CPNE9: variants seen among roughly 807,000 people sequenced by gnomAD.
CPNE9 encodes the protein copine-9.
A neutral mutation model predicts 83.0 loss-of-function variants in CPNE9; 59 were observed. That is an observed-to-expected ratio of 0.71 (90% CI 0.58 to 0.88). CPNE9 has a LOEUF of 0.88. CPNE9 is among the 40% of genes least tolerant of loss of function. The pLI is 0.00. For synonymous variants in CPNE9, 256 were observed against 273.4 expected (o/e 0.94, Z 0.63); for missense variants, 619 against 720.8 (o/e 0.86, Z 1.62).
intron 7 of CPNE9, 135 bp downstream of exon 7, chr3:9,706,198 C>G: frequency 4.2e-6 from 3 of 716,588 alleles, no homozygotes; most frequent in Non-Finnish European, 6.9e-6. Flanking sequence ...CCATCACCCT[C>G]GTAGAAAAGT....
chr3:9,717,559 G>C (rs2076695140), intron 15 of CPNE9, among the ~76,000 whole-genome samples: 2 of 152,194 alleles, frequency 1.3e-5, no homozygotes, highest in South Asian at 4.1e-4. Context: ...ATCCATATGA[G>C]AATAGACAAG....
intron 7 of CPNE9, among the ~76,000 whole-genome samples, chr3:9,709,700 A>C (rs1158187725): frequency 3.3e-5 from 5 of 151,798 alleles, no homozygotes; most frequent in African/African-American, 1.2e-4. Context: ...AGGCTGGGTG[A>C]GGTGGCTCAC....
chr3:9,718,943 TCTC>T (rs1023118465), intron 17 of CPNE9, among the ~76,000 whole-genome samples: 3 of 151,398 alleles, frequency 2.0e-5, no homozygotes, highest in Admixed American at 6.6e-5. Flanking sequence ...TTCAAGCAAT[TCTC>T]CTGCCTCAGC....
At chr3:9,725,682 A>ATGTG (rs55757225) in intron 17 of CPNE9, among the ~76,000 whole-genome samples, 11 of 123,020 alleles carry the variant, frequency 8.9e-5, no homozygotes, top group South Asian at 2.5e-4. Context: ...ATGTGTATAT[A>ATGTG]TATATACATA....
chr3:9,726,964 T>G (rs1279353803), intron 19 of CPNE9, 149 bp from the exon 20 acceptor site: 4 of 865,934 alleles, frequency 4.6e-6, no homozygotes, highest in Non-Finnish European at 7.4e-6. Context: ...ATAGTAATAA[T>G]AACTCCATAA....
Position 9,713,096 on chromosome 3 carries a change from G to A in CPNE9, c.650+17G>A, listed in dbSNP as rs535752320. On this transcript the variant is annotated intron_variant, in intron 10 of 20. Coordinates refer to ENST00000383832, the MANE Select transcript of CPNE9 (RefSeq NM_153635.3). ...CTATGACAGGTTGGCTCCAGCATAA[G>A]CTGGGGAGTAAGGAGCCAAGGACAT... is the stretch of plus-strand genomic sequence containing the variant. 13 of 1,594,600 alleles carry A rather than the reference G, an allele frequency of 8.2e-6. No individual in the cohort carries two copies. The South Asian group carries it at 1.4e-4, about 18-fold the overall frequency.
At position 9,726,963 on chromosome 3, in the gene CPNE9, A is replaced by G. The variant is rs1412014180; in HGVS notation, c.1403-150A>G. On this transcript the variant is annotated intron_variant, in intron 19 of 20. Coordinates refer to ENST00000383832, the MANE Select transcript of CPNE9 (RefSeq NM_153635.3). ...CCTGGGAGGCATAATAATAGTAATA[A>G]TAACTCCATAACGAAGACTGATATT... is the stretch of plus-strand genomic sequence containing the variant. The G allele has an allele frequency of 5.8e-6, 5 of 862,544 alleles. No individual in the cohort carries two copies. In the East Asian group the frequency reaches 7.5e-5, roughly 13 times the overall value. The allele number at this position is 862,544 out of a possible 1,614,324, so 53.4% of individuals were successfully genotyped here. A position where few individuals can be genotyped will look rare whatever the true frequency, so the allele number is the denominator to read the frequency against.
chr3:9,708,871 T>C (rs1439974392), intron 7 of CPNE9, among the ~76,000 whole-genome samples: 1 of 151,734 alleles, frequency 6.6e-6, no homozygotes, highest in Non-Finnish European at 1.5e-5. Context: ...CCTGACCTCA[T>C]GATCCGCCCG....
chr3:9,727,339 A>G (rs2076793797), intron 20 of CPNE9, 153 bp downstream of exon 20: 1 of 897,836 alleles, frequency 1.1e-6, no homozygotes, highest in East Asian at 2.6e-5. Context: ...ATCCTTTTTG[A>G]CAAACAGGAA....
chr3:9,725,396 G>T (rs1038526276), intron 17 of CPNE9, among the ~76,000 whole-genome samples: 1 of 151,868 alleles, frequency 6.6e-6, no homozygotes, highest in Non-Finnish European at 1.5e-5. Context: ...GTAGCCAGGT[G>T]TGGTGGCTCA....
At position 9,729,755 on chromosome 3, in the gene CPNE9, G is replaced by A; in HGVS notation, c.*63G>A. On this transcript the variant is annotated 3_prime_UTR_variant, in exon 21 of 21. Coordinates refer to ENST00000383832, the MANE Select transcript of CPNE9 (RefSeq NM_153635.3). Reference sequence around the variant, plus strand: ...TGCTCACCCACTGCTTCTGCTTTAAGCCAGAGGCACCTGGAACCCTGGACT... The same window carrying A: ...TGCTCACCCACTGCTTCTGCTTTAAACCAGAGGCACCTGGAACCCTGGACT... The A allele has an allele frequency of 6.5e-7, 1 of 1,529,158 alleles. No homozygotes were observed. Among genetic ancestry groups the A allele is most frequent in the South Asian group, 1.2e-5 (1 of 80,934 alleles). The allele number at this position is 1,529,158 out of a possible 1,614,324, so 94.7% of individuals were successfully genotyped here. A position where few individuals can be genotyped will look rare whatever the true frequency, so the allele number is the denominator to read the frequency against.
chr3:9,710,025 G>A (rs1053834501), intron 7 of CPNE9, among the ~76,000 whole-genome samples: 1 of 150,710 alleles, frequency 6.6e-6, no homozygotes, highest in African/African-American at 2.4e-5. Context: ...AATTTAACAT[G>A]AGATAAATTA....
At chr3:9,717,129 T>C in intron 15 of CPNE9, 25 bp downstream of exon 15, 2 of 1,613,622 alleles carry the variant, frequency 1.2e-6, no homozygotes, top group Non-Finnish European at 1.7e-6. Flanking sequence ...AGTGAAAAAG[T>C]CGGAGGTGGG....
intron 7 of CPNE9, among the ~76,000 whole-genome samples, chr3:9,710,336 T>G (rs779272256): frequency 2.0e-5 from 3 of 152,194 alleles, no homozygotes; most frequent in Non-Finnish European, 4.4e-5. Context: ...TTATAGCAAC[T>G]GTAGGAGTCA....
Position 9,711,021 on chromosome 3 carries a change from C to G in CPNE9, c.378-1520C>G, listed in dbSNP as rs147179285. ...TCCAGCCTGGGTAATAGTGAGACCC[C>G]AACTCTTAAAAAAAAGTGAGAGAAG... On this transcript the variant is annotated intron_variant, in intron 7 of 20. Transcript: ENST00000383832. Among the ~76,000 whole-genome samples the G allele has an allele frequency of 1.2e-3, 182 of 151,262 alleles. 1 individual carries two copies. The highest frequency in any genetic ancestry group is 4.2e-3 in the African/African-American group (172 of 41,152).
chr3:9,727,099 T>C lies in CPNE9; in HGVS notation c.1403-14T>C. ...GGAGAGGCCAATCAGCTGAGGGGTG[T>C]GTCTTTTCTGCAGCAATGGAAGAGT... On this transcript the variant is annotated splice_polypyrimidine_tract_variant and intron_variant, in intron 19 of 20. Transcript: ENST00000383832. 6.2e-7 allele frequency: 1 copy of C among 1,613,974 alleles called. No individual in the cohort carries two copies. Among genetic ancestry groups the C allele is most frequent in the South Asian group, 1.1e-5 (1 of 91,078 alleles).
intron 20 of CPNE9, among the ~76,000 whole-genome samples, chr3:9,727,813 C>T (rs765750185): frequency 1.3e-5 from 2 of 152,112 alleles, no homozygotes; most frequent in Non-Finnish European, 2.9e-5. Flanking sequence ...TGGACAGTAA[C>T]AGGGCAAGAG....
At position 9,718,215 on chromosome 3, in the gene CPNE9, G is replaced by A; in HGVS notation, c.1113+5G>A. On this transcript the variant is annotated splice_donor_5th_base_variant and intron_variant, in intron 16 of 20. Transcript: ENST00000383832. Reference sequence around the variant, plus strand: ...ATCTCCCACCAGTTCCCCCTGGTATGGTATTGGCCAGAGCTTACCCTCCGT... The same window carrying A: ...ATCTCCCACCAGTTCCCCCTGGTATAGTATTGGCCAGAGCTTACCCTCCGT... 6.2e-7 allele frequency: 1 copy of A among 1,605,722 alleles called. No homozygotes were observed. Among genetic ancestry groups the A allele is most frequent in the East Asian group, 2.2e-5 (1 of 44,770 alleles).
intron 17 of CPNE9, among the ~76,000 whole-genome samples, chr3:9,725,360 C>A (rs947601992): frequency 6.6e-6 from 1 of 151,722 alleles, no homozygotes; most frequent in African/African-American, 2.4e-5. Context: ...CATGGTGAAA[C>A]CTCATCTCTA....
Sources: gnomAD v4.1 joint callset for allele counts (sites outside exome capture counted in the v4.1 genomes callset) on GRCh38, gnomAD v4.1.1 for gene constraint, MANE v1.5 for transcripts, NCBI Gene and HGNC (gene_info 2026-07-23, HGNC 2026-07-21) for gene names.